EHBP1: variants seen among roughly 807,000 people sequenced by gnomAD.
EHBP1 encodes the protein EH domain binding protein 1.
Under a neutral mutation model 144.0 loss-of-function variants are expected in EHBP1, and 55 were observed. That is an observed-to-expected ratio of 0.38 (90% CI 0.31 to 0.48). EHBP1 has a LOEUF of 0.48. Ranked by LOEUF, EHBP1 falls within the 20% of genes least tolerant of loss-of-function variation. The probability of loss-of-function intolerance (pLI) is 0.98; values close to 1 mark genes in which losing one functional copy is unlikely to be tolerated. For missense variants in EHBP1, 1,200 were observed against 1,364.2 expected (o/e 0.88, Z 1.90); for synonymous variants, 469 against 472.7 (o/e 0.99, Z 0.10).
intron 5 of EHBP1, among the ~76,000 whole-genome samples, chr2:62,796,814 C>T (rs1045092592): frequency 2.0e-5 from 3 of 151,326 alleles, no homozygotes; most frequent in African/African-American, 7.3e-5. Flanking sequence ...CACCTCTTTC[C>T]ATGACTTCTG....
At chr2:62,953,716 T>A (rs2057534168) in intron 13 of EHBP1, among the ~76,000 whole-genome samples, 1 of 152,126 alleles carries the variant, frequency 6.6e-6, no homozygotes, top group South Asian at 2.1e-4. Context: ...TCTTTTTAAC[T>A]TGTATTTATT....
intron 8 of EHBP1, among the ~76,000 whole-genome samples, chr2:62,860,039 C>T (rs575272797): frequency 6.6e-6 from 1 of 152,258 alleles, no homozygotes; most frequent in African/African-American, 2.4e-5. Flanking sequence ...AGGATTCACT[C>T]TGTTATAGCA....
chr2:62,909,379 C>T (rs1218556465), intron 10 of EHBP1, among the ~76,000 whole-genome samples: 6 of 152,162 alleles, frequency 3.9e-5, no homozygotes, highest in Admixed American at 1.3e-4. Flanking sequence ...GATCAGGTTT[C>T]GCCATATCAT....
At chr2:62,709,745 G>C (rs550154352) in intron 2 of EHBP1, among the ~76,000 whole-genome samples, 3 of 151,798 alleles carry the variant, frequency 2.0e-5, no homozygotes, top group African/African-American at 7.2e-5. Flanking sequence ...AGTATTGGGG[G>C]TACTTAATAC....
Position 62,895,186 on chromosome 2 carries a change from A to G in EHBP1, c.1185+20654A>G, listed in dbSNP as rs150429410. On this transcript the variant is annotated intron_variant, in intron 10 of 22. Coordinates refer to ENST00000431489, the MANE Select transcript of EHBP1 (RefSeq NM_001142616.3). ...TTGGGAAGTAAAAGAATAGTGCTGT[A>G]TCCAGTGTGGTGGAGGTTATACAAG... is the stretch of plus-strand genomic sequence containing the variant. 7.5e-4 allele frequency among the ~76,000 whole-genome samples: 114 copies of G among 152,308 alleles called. 1 individual carries two copies. The East Asian group carries it at 0.021, about 28-fold the overall frequency.
At chr2:62,787,945 T>C (rs2042927108) in intron 5 of EHBP1, among the ~76,000 whole-genome samples, 1 of 152,196 alleles carries the variant, frequency 6.6e-6, no homozygotes, top group African/African-American at 2.4e-5. Context: ...AGCAACTCTT[T>C]AAGGTTGTGA....
rs200170310 is a variant in EHBP1, at chr2:62,747,392, C to T, written c.105-3C>T. ...TATGTTTAACTTTTTTTTTGTTTGG[C>T]AGGCAACCAGATAAACTGGTGGTAG... On this transcript the variant is annotated splice_region_variant and splice_polypyrimidine_tract_variant and intron_variant, in intron 2 of 22. Coordinates refer to ENST00000431489, the MANE Select transcript of EHBP1 (RefSeq NM_001142616.3). 72 of 1,606,714 alleles carry T rather than the reference C, an allele frequency of 4.5e-5. No individual in the cohort carries two copies. The East Asian group carries it at 1.5e-3, about 34-fold the overall frequency.
intron 7 of EHBP1, among the ~76,000 whole-genome samples, chr2:62,841,696 A>C (rs1295466277): frequency 6.6e-6 from 1 of 152,152 alleles, no homozygotes; most frequent in Non-Finnish European, 1.5e-5. Flanking sequence ...ATAATTTTTT[A>C]AATGTGATAT....
intron 5 of EHBP1, among the ~76,000 whole-genome samples, chr2:62,805,891 G>A (rs1355804529): frequency 6.6e-6 from 1 of 152,132 alleles, no homozygotes; most frequent in Non-Finnish European, 1.5e-5. Flanking sequence ...GACAATTGCT[G>A]TCTTTCAGTT....
intron 5 of EHBP1, among the ~76,000 whole-genome samples, chr2:62,817,331 G>A (rs2045520525): frequency 6.6e-6 from 1 of 152,140 alleles, no homozygotes. Context: ...AAGGAAGTGG[G>A]CGAGCTAGCC....
intron 15 of EHBP1, chr2:62,987,944 T>C (rs1484528449): frequency 3.8e-6 from 6 of 1,575,822 alleles, no homozygotes; most frequent in Non-Finnish European, 5.2e-6. Context: ...AAAATGATAA[T>C]ATTGAGATAG....
intron 2 of EHBP1, among the ~76,000 whole-genome samples, chr2:62,720,590 T>C (rs538378552): frequency 3.3e-5 from 5 of 152,242 alleles, no homozygotes; most frequent in South Asian, 2.1e-4. Context: ...GGTCTAGATA[T>C]CAAGTTTAAT....
chr2:62,718,745 A>G (rs2035928020), intron 2 of EHBP1, among the ~76,000 whole-genome samples: 1 of 152,200 alleles, frequency 6.6e-6, no homozygotes, highest in South Asian at 2.1e-4. Flanking sequence ...GTACTCCAGA[A>G]AGTGTTTATT....
intron 15 of EHBP1, among the ~76,000 whole-genome samples, chr2:62,980,833 A>G (rs1574340531): frequency 6.7e-6 from 1 of 148,478 alleles, no homozygotes; most frequent in Non-Finnish European, 1.5e-5. Context: ...ATATATATAT[A>G]TATTTTAATT....
At chr2:62,729,568 A>G (rs2037282458) in intron 2 of EHBP1, among the ~76,000 whole-genome samples, 1 of 126,602 alleles carries the variant, frequency 7.9e-6, no homozygotes, top group South Asian at 2.2e-4. Flanking sequence ...ATAATATAAT[A>G]TAATAAATAA....
At chr2:62,881,917 G>GA (rs933615106) in intron 10 of EHBP1, 7 of 152,116 alleles carry the variant, frequency 4.6e-5, no homozygotes, top group African/African-American at 1.4e-4. Flanking sequence ...AGATTAACTT[G>GA]ATCTCAGAGG....
chr2:62,776,919 A>T (rs1460230180), intron 5 of EHBP1, among the ~76,000 whole-genome samples: 3 of 152,138 alleles, frequency 2.0e-5, no homozygotes, highest in Admixed American at 1.3e-4. Flanking sequence ...GGTGTTTTAG[A>T]TTACCCAATT....
At chr2:62,693,277 G>A (rs977742529) in intron 1 of EHBP1, among the ~76,000 whole-genome samples, 1 of 152,020 alleles carries the variant, frequency 6.6e-6, no homozygotes, top group African/African-American at 2.4e-5. Flanking sequence ...GGACACTTAG[G>A]TTGCTTCCAA....
rs746282783 is a variant in EHBP1 at position 62,864,983 on chromosome 2, T to G, written c.998+12T>G. 3.7e-6 allele frequency: 6 copies of G among 1,610,764 alleles called. No individual in the cohort carries two copies. The South Asian group carries it at 6.6e-5, about 18-fold the overall frequency. On this transcript the variant is annotated intron_variant, in intron 9 of 22. Transcript: ENST00000431489. ...GAAGAATTGGATGAGTAAGTACATT[T>G]CATTTTGCTGTCATCACAAGTTAGT...
Sources: allele counts gnomAD v4.1 joint callset (sites outside exome capture counted in the v4.1 genomes callset), GRCh38; gene constraint gnomAD v4.1.1; transcripts MANE v1.5; gene names NCBI Gene and HGNC (gene_info 2026-07-23, HGNC 2026-07-21).